Variants in SGCA observed in about 807,000 individuals in gnomAD.
SGCA encodes the protein alpha-sarcoglycan.
SGCA carries 34 observed loss-of-function variants against 38.1 expected under a neutral mutation model. The ratio of observed to expected loss-of-function variants is 0.89; its 90% confidence interval spans 0.68 to 1.19. The LOEUF (loss-of-function observed/expected upper bound fraction) is 1.19, where lower values mean the gene tolerates loss of function less well. SGCA is among the 50% of genes most tolerant of loss of function. The pLI is 0.00. For missense variants in SGCA, 476 were observed against 524.9 expected (o/e 0.91, Z 0.91); for synonymous variants, 209 against 214.6 (o/e 0.97, Z 0.23).
intron 1 of SGCA, among the ~76,000 whole-genome samples, chr17:50,166,699 C>T (rs1321397054): frequency 1.4e-5 from 2 of 147,378 alleles, no homozygotes; most frequent in East Asian, 2.0e-4. Context: ...CTCACACACA[C>T]CCTCACGGCA....
At chr17:50,168,800 C>T (rs1239525574) in intron 5 of SGCA, among the ~76,000 whole-genome samples, 1 of 151,964 alleles carries the variant, frequency 6.6e-6, no homozygotes, top group African/African-American at 2.4e-5. Flanking sequence ...CTCATGAGGA[C>T]GTACCAGATA....
chr17:50,175,762 GA>G lies in SGCA; in HGVS notation c.*64del, dbSNP rs1323622003. On this transcript the variant is annotated 3_prime_UTR_variant, in exon 10 of 10. Transcript: ENST00000262018. Reference sequence around the variant, plus strand: ...ATCCTCCCTTCTCTGTCCACACCACGAGTGGCACATCCCACCTGCTGATTCC... The same window carrying G: ...ATCCTCCCTTCTCTGTCCACACCACGGTGGCACATCCCACCTGCTGATTCC... 6 of 552,360 alleles carry G rather than the reference GA, an allele frequency of 1.1e-5. No homozygotes were observed. Among genetic ancestry groups the G allele is most frequent in the South Asian group, 4.6e-5 (3 of 65,414 alleles). 34.2% of individuals were successfully genotyped at this position (552,360 alleles called of 1,614,324 possible). A position where few individuals can be genotyped will look rare whatever the true frequency, so the allele number is the denominator to read the frequency against.
chr17:50,166,841 G>C (rs1194643407), intron 1 of SGCA, among the ~76,000 whole-genome samples: 1 of 46,348 alleles, frequency 2.2e-5, no homozygotes, highest in Non-Finnish European at 3.9e-5. Flanking sequence ...CCCACACACC[G>C]TCACACACAC....
chr17:50,175,422 TCTGGACCAGCA>T lies in SGCA; in HGVS notation c.1153_1163del (p.Asp385ThrfsTer3), dbSNP rs1487379783. The T allele has an allele frequency of 1.2e-6, 2 of 1,613,142 alleles. No individual in the cohort carries two copies. Among genetic ancestry groups the T allele is most frequent in the African/African-American group, 1.3e-5 (1 of 75,054 alleles). On this transcript the variant is annotated frameshift_variant, in exon 9 of 10. Coordinates refer to ENST00000262018, the MANE Select transcript of SGCA (RefSeq NM_000023.4). LOFTEE classifies it low-confidence loss of function (END_TRUNC). Reference sequence around the variant, plus strand: ...TGGACAGCGCCCAGGTGCCCCTCATTCTGGACCAGCACTGACAGCCTAGCCAGGTAGGTCTG... The same window carrying T: ...TGGACAGCGCCCAGGTGCCCCTCATTCTGACAGCCTAGCCAGGTAGGTCTG...
Position 50,167,658 on chromosome 17 carries a change from C to T in SGCA, c.234C>T (p.Tyr78=), listed in dbSNP as rs1567739328. 3.1e-6 allele frequency: 5 copies of T among 1,613,902 alleles called. No individual in the cohort carries two copies. Among genetic ancestry groups the T allele is most frequent in the East Asian group, 4.5e-5 (2 of 44,880 alleles). Residue 78 remains tyrosine, a synonymous_variant, in exon 3 of 10, where the codon TAC becomes TAT. Transcript: ENST00000262018. This position sits in a 1 kb window ranked among gnomAD's most constrained non-coding sequence, Gnocchi z 4.5. ...CAGACCTGCCCCGGTGGCTCCGCTA[C>T]ACCCAGCGCAGCCCCCACCACCCTG... ...GHPDLPRWLR[Y]TQRSPHHPGF... is the part of the protein sequence containing the mutation.
At position 50,175,911 on chromosome 17, in the gene SGCA, C is replaced by T. The variant is rs1218007310; in HGVS notation, c.*212C>T. The T allele has an allele frequency of 6.7e-6, 3 of 449,276 alleles. No individual in the cohort carries two copies. Among genetic ancestry groups the T allele is most frequent in the African/African-American group, 6.0e-5 (3 of 50,098 alleles). 27.8% of individuals were successfully genotyped at this position (449,276 alleles called of 1,614,324 possible). A position where few individuals can be genotyped will look rare whatever the true frequency, so the allele number is the denominator to read the frequency against. ...CTGCTGCTCTGCTCACCAATTGCTGCTGGCAGCCTCTCCCGTCCTCACTGG... is the reference window on the plus strand; with the variant it reads ...CTGCTGCTCTGCTCACCAATTGCTGTTGGCAGCCTCTCCCGTCCTCACTGG... On this transcript the variant is annotated 3_prime_UTR_variant, in exon 10 of 10. Transcript: ENST00000262018.
intron 1 of SGCA, among the ~76,000 whole-genome samples, chr17:50,166,310 G>A (rs1253415020): frequency 6.6e-6 from 1 of 152,114 alleles, no homozygotes; most frequent in East Asian, 1.9e-4. Context: ...GGTGTCCTAG[G>A]GCCCGGGTGG....
chr17:50,171,769 G>A (rs1246219802), intron 8 of SGCA: 2 of 456,648 alleles, frequency 4.4e-6, no homozygotes, highest in Non-Finnish European at 8.8e-6. Context: ...TGAAGTGATA[G>A]GCATTTCGGG....
intron 6 of SGCA, 180 bp from the exon 7 acceptor site, chr17:50,169,963 T>C (rs915314429): frequency 1.5e-6 from 1 of 660,876 alleles, no homozygotes; most frequent in African/African-American, 1.8e-5. Context: ...GCTAAGCACT[T>C]GTCTGAGTCT....
chr17:50,170,710 C>T, intron 8 of SGCA, 44 bp downstream of exon 8: 1 of 1,515,174 alleles, frequency 6.6e-7, no homozygotes, highest in Non-Finnish European at 9.0e-7. Flanking sequence ...CCCACCTAGA[C>T]AGTTGTTGGA....
At position 50,175,493 on chromosome 17, in the gene SGCA, T is replaced by G. The variant is rs1000194400; in HGVS notation, c.*12+44T>G. 7.1e-6 allele frequency: 11 copies of G among 1,550,410 alleles called. No homozygotes were observed. The Admixed American group carries it at 1.7e-4, about 24-fold the overall frequency. On this transcript the variant is annotated intron_variant, in intron 9 of 9. Coordinates refer to ENST00000262018, the MANE Select transcript of SGCA (RefSeq NM_000023.4). ...GCCAGCCTTATTTCTGGGAACAAGA[T>G]GGCCTTTATCACAAGGCTGGGGCAA... is the stretch of plus-strand genomic sequence containing the variant.
chr17:50,169,324 T>C, intron 6 of SGCA, 70 bp downstream of exon 6: 1 of 1,342,940 alleles, frequency 7.4e-7, no homozygotes, highest in Non-Finnish European at 1.0e-6. Flanking sequence ...TTCCCTCCCA[T>C]GCTGCTTCCT....
Position 50,170,271 on chromosome 17 carries a change from C to G in SGCA, c.876C>G (p.Val292=). 6.2e-7 allele frequency: 1 copy of G among 1,614,226 alleles called. No individual in the cohort carries two copies. Among genetic ancestry groups the G allele is most frequent in the Non-Finnish European group, 8.5e-7 (1 of 1,180,046 alleles). The change falls in exon 7 of 10, where the codon GTC becomes GTG. Residue 292 remains valine (V), a synonymous_variant. Transcript: ENST00000262018. ...GTGACTTCTTGGTGGATGCTCTGGT[C>G]ACCCTCCTGGTGCCCCTGCTGGTGG... ...PDRDFLVDAL[V]TLLVPLLVAL...
rs143962150 is a variant in SGCA at position 50,168,506 on chromosome 17, T to C, written c.518T>C (p.Leu173Pro). Residue 173 changes from leucine to proline, a missense_variant, in exon 5 of 10, where the codon CTC becomes CCC. Leu to Pro is a moderately conservative substitution (Grantham distance 98, BLOSUM62 -3). Transcript: ENST00000262018. ...GLWEPGELQL[L>P]NVTSALDRGG... ...TGGGAGCCCGGAGAGCTTCAGCTGCTCAACGTCACCTCTGCCTTGGACCGT... is the reference window on the plus strand; with the variant it reads ...TGGGAGCCCGGAGAGCTTCAGCTGCCCAACGTCACCTCTGCCTTGGACCGT... 2.6e-5 allele frequency: 41 copies of C among 1,579,846 alleles called. No individual in the cohort carries two copies. The highest frequency in any genetic ancestry group is 5.2e-6 in the Non-Finnish European group (6 of 1,162,470).
At chr17:50,166,470 G>A (rs969534605) in intron 1 of SGCA, among the ~76,000 whole-genome samples, 2 of 152,050 alleles carry the variant, frequency 1.3e-5, no homozygotes, top group Admixed American at 6.6e-5. Context: ...GATTCCTTTT[G>A]CTCAGCTCCT....
chr17:50,171,705 C>T (rs1018470077), intron 8 of SGCA: 5 of 456,698 alleles, frequency 1.1e-5, no homozygotes, highest in Non-Finnish European at 1.8e-5. Context: ...AGCCTGAGGC[C>T]CCCCTGCCGG....
intron 8 of SGCA, chr17:50,171,488 C>T (rs1169541629): frequency 4.4e-6 from 2 of 456,586 alleles, no homozygotes; most frequent in African/African-American, 4.0e-5. Context: ...CTTGGCACCC[C>T]TGACTGCTTG....
At position 50,169,120 on chromosome 17, in the gene SGCA, C is replaced by A; in HGVS notation, c.613C>A (p.Pro205Thr). 6.2e-7 allele frequency: 1 copy of A among 1,613,960 alleles called. No individual in the cohort carries two copies. The highest frequency in any genetic ancestry group is 8.5e-7 in the Non-Finnish European group (1 of 1,180,002). Residue 205 changes from proline (P) to threonine (T), a missense_variant, in exon 6 of 10, where the codon CCT becomes ACT. Coordinates refer to ENST00000262018, the MANE Select transcript of SGCA (RefSeq NM_000023.4). Reference sequence around the variant, plus strand: ...ATACATTAAGGTGGGTTCTGCCTCACCTTTTTCTACTTGCCTGAAGATGGT... The same window carrying A: ...ATACATTAAGGTGGGTTCTGCCTCAACTTTTTCTACTTGCCTGAAGATGGT... ...GVYIKVGSASPFSTCLKMVAS... is the reference protein window; with the variant it reads ...GVYIKVGSASTFSTCLKMVAS...
intron 9 of SGCA, 72 bp from the exon 10 acceptor site, chr17:50,175,640 G>A: frequency 1.4e-6 from 1 of 693,950 alleles, no homozygotes; most frequent in Non-Finnish European, 2.6e-6. Flanking sequence ...ACTCGCAGTT[G>A]GAGTGTCAGG....
Sources: gnomAD v4.1 joint callset for allele counts (sites outside exome capture counted in the v4.1 genomes callset) on GRCh38, gnomAD v4.1.1 for gene constraint, Gnocchi (gnomAD v3.1) non-coding constraint, MANE v1.5 for transcripts, NCBI Gene and HGNC (gene_info 2026-07-23, HGNC 2026-07-21) for gene names.